The following UBE2V2 variants were observed in gnomAD, a reference collection of about 807,000 sequenced individuals.
UBE2V2 encodes the protein ubiquitin conjugating enzyme E2 V2.
Under a neutral mutation model 17.2 loss-of-function variants are expected in UBE2V2, and 9 were observed. The ratio of observed to expected loss-of-function variants is 0.52; its 90% CI spans 0.32 to 0.91. The LOEUF (loss-of-function observed/expected upper bound fraction) is 0.91, where lower values mean the gene tolerates loss of function less well. Ranked by LOEUF, UBE2V2 falls within the 40% of genes least tolerant of loss-of-function variation. The pLI, the probability that UBE2V2 is intolerant of heterozygous loss-of-function variation, is 0.04. For missense variants in UBE2V2, 133 were observed against 182.6 expected, an observed-to-expected ratio of 0.73 and a Z score of 1.56; for synonymous variants, 61 against 57.5, an observed-to-expected ratio of 1.06 and a Z score of -0.28.
chr8:48,020,850 G>C (rs1189861329), intron 1 of UBE2V2, among the ~76,000 whole-genome samples: 1 of 151,834 alleles, frequency 6.6e-6, no homozygotes, highest in East Asian at 1.9e-4. Context: ...TGATCCTCCT[G>C]CCTCAGCCTC....
intron 3 of UBE2V2, among the ~76,000 whole-genome samples, chr8:48,053,759 A>G (rs961836174): frequency 1.3e-5 from 2 of 150,438 alleles, no homozygotes; most frequent in East Asian, 4.0e-4. Context: ...AGACTACATT[A>G]TAAATAGAGT....
chr8:48,033,978 C>G (rs2154507400), intron 1 of UBE2V2, among the ~76,000 whole-genome samples: 1 of 152,126 alleles, frequency 6.6e-6, no homozygotes, highest in East Asian at 1.9e-4. Context: ...AGAAAGTCCT[C>G]ATGCTGTTCA....
upstream of UBE2V2, among the ~76,000 whole-genome samples, chr8:48,007,568 C>CTTTTTTT (rs528067517): frequency 1.6e-5 from 2 of 121,238 alleles, no homozygotes; most frequent in African/African-American, 3.1e-5. Flanking sequence ...TGTGAAAAAT[C>CTTTTTTT]TTTTTTTTTT....
At chr8:48,050,688 CAAAA>C (rs796549178) in intron 3 of UBE2V2, among the ~76,000 whole-genome samples, 5 of 61,776 alleles carry the variant, frequency 8.1e-5, no homozygotes, top group Non-Finnish European at 6.7e-5. Flanking sequence ...AACTCCGTCT[CAAAA>C]AAAAAAAAAA....
chr8:48,038,400 C>T (rs1486611687), intron 1 of UBE2V2, among the ~76,000 whole-genome samples: 1 of 152,126 alleles, frequency 6.6e-6, no homozygotes, highest in Admixed American at 6.6e-5. Context: ...TTACTACAAC[C>T]TCTGCTTCCT....
chr8:48,043,359 GA>G, intron 2 of UBE2V2, 178 bp downstream of exon 2: 1 of 469,278 alleles, frequency 2.1e-6, no homozygotes, highest in Non-Finnish European at 3.4e-6. Context: ...TTACGTAGAG[GA>G]TTGGGGGGAG....
At chr8:48,041,470 C>T (rs142342437) in intron 1 of UBE2V2, among the ~76,000 whole-genome samples, 41 of 152,172 alleles carry the variant, frequency 2.7e-4, no homozygotes, top group African/African-American at 8.7e-4. Flanking sequence ...AATAACACAG[C>T]AGGTGTATGA....
chr8:48,044,920 G>A (rs1437855840), intron 2 of UBE2V2, among the ~76,000 whole-genome samples: 1 of 152,198 alleles, frequency 6.6e-6, no homozygotes, highest in African/African-American at 2.4e-5. Flanking sequence ...GGTCTTGTGG[G>A]CTGACCCACA....
chr8:48,052,951 A>C (rs779253151), intron 3 of UBE2V2, among the ~76,000 whole-genome samples: 6 of 152,176 alleles, frequency 3.9e-5, no homozygotes, highest in Admixed American at 6.5e-5. Flanking sequence ...TCTGTCACTC[A>C]GGCTGGAGTG....
At chr8:48,051,825 A>G (rs544867242) in intron 3 of UBE2V2, among the ~76,000 whole-genome samples, 41 of 152,290 alleles carry the variant, frequency 2.7e-4, no homozygotes, top group East Asian at 1.9e-4. Flanking sequence ...TGAGAAAGGA[A>G]GAAGCTGGGA....
chr8:48,008,327 C>G (rs1389623344), upstream of UBE2V2: 1 of 1,294,500 alleles, frequency 7.7e-7, no homozygotes, highest in South Asian at 1.8e-5. Flanking sequence ...TGCGCGCTGT[C>G]CCTCGGGTCG....
intron 3 of UBE2V2, among the ~76,000 whole-genome samples, chr8:48,051,171 A>G (rs1243657579): frequency 6.6e-6 from 1 of 152,174 alleles, no homozygotes; most frequent in Non-Finnish European, 1.5e-5. Context: ...ACAAAATGAC[A>G]TGCCCTGCTT....
chr8:48,038,799 A>G (rs1250518973), intron 1 of UBE2V2, among the ~76,000 whole-genome samples: 1 of 151,152 alleles, frequency 6.6e-6, no homozygotes, highest in African/African-American at 2.4e-5. Flanking sequence ...AGTTTTTTGT[A>G]TTTTTAGTAG....
At chr8:48,019,300 G>A (rs907187029) in intron 1 of UBE2V2, among the ~76,000 whole-genome samples, 4 of 152,082 alleles carry the variant, frequency 2.6e-5, no homozygotes, top group African/African-American at 4.8e-5. Flanking sequence ...GGAGGCAGAG[G>A]TTGCAGTAAG....
chr8:48,052,951 AG>A (rs1267162877), intron 3 of UBE2V2, among the ~76,000 whole-genome samples: 3 of 152,176 alleles, frequency 2.0e-5, no homozygotes, highest in Non-Finnish European at 4.4e-5. Flanking sequence ...TCTGTCACTC[AG>A]GCTGGAGTGC....
intron 1 of UBE2V2, among the ~76,000 whole-genome samples, chr8:48,023,009 A>T (rs986032155): frequency 6.6e-6 from 1 of 151,788 alleles, no homozygotes; most frequent in African/African-American, 2.4e-5. Context: ...TGCTAGGTAT[A>T]TTGGAAGTCT....
At chr8:48,003,609 C>T (rs1733442252), upstream of UBE2V2, among the ~76,000 whole-genome samples, 1 of 152,070 alleles carries the variant, frequency 6.6e-6, no homozygotes, top group Admixed American at 6.6e-5. Flanking sequence ...GCTATTGAGG[C>T]CCCACAACTC....
intron 1 of UBE2V2, among the ~76,000 whole-genome samples, chr8:48,015,774 CATA>C (rs2091264245): frequency 6.6e-6 from 1 of 152,022 alleles, no homozygotes; most frequent in African/African-American, 2.4e-5. Context: ...TTTCAGTTAA[CATA>C]ATGTTCTCCA....
chr8:48,017,846 CTTTTTT>C (rs71548448), intron 1 of UBE2V2, among the ~76,000 whole-genome samples: 2 of 134,612 alleles, frequency 1.5e-5, no homozygotes, highest in South Asian at 2.3e-4. Flanking sequence ...CATAGATTGC[CTTTTTT>C]TTTTTTTTTT....
Sources: gnomAD v4.1 joint callset for allele counts (sites outside exome capture counted in the v4.1 genomes callset) on GRCh38, gnomAD v4.1.1 for gene constraint, MANE v1.5 for transcripts, NCBI Gene and HGNC (gene_info 2026-07-23, HGNC 2026-07-21) for gene names.